GRIK3: variants seen among roughly 807,000 people sequenced by gnomAD.
GRIK3 encodes the protein glutamate receptor ionotropic, kainate 3.
A neutral mutation model predicts 102.5 loss-of-function variants in GRIK3; 29 were observed. That is an observed-to-expected ratio of 0.28 (90% CI 0.21 to 0.39). GRIK3 has a LOEUF of 0.39. Ranked by LOEUF, GRIK3 falls within the 10% of genes least tolerant of loss-of-function variation. GRIK3 has a pLI of 1.00. For missense variants in GRIK3, 908 were observed against 1,252.4 expected (o/e 0.73, Z 4.15); for synonymous variants, 511 against 504.9 (o/e 1.01, Z -0.16).
At chr1:36,974,901 A>G (rs1642179880) in intron 1 of GRIK3, among the ~76,000 whole-genome samples, 1 of 152,192 alleles carries the variant, frequency 6.6e-6, no homozygotes, top group South Asian at 2.1e-4. Flanking sequence ...ACACGAAAAG[A>G]CAAATATTGT....
chr1:36,915,297 C>G (rs770071270), intron 1 of GRIK3, among the ~76,000 whole-genome samples: 25 of 152,344 alleles, frequency 1.6e-4, no homozygotes, highest in Non-Finnish European at 2.8e-4. Flanking sequence ...TCTCCCCACC[C>G]TCAGCACTTA....
intron 1 of GRIK3, among the ~76,000 whole-genome samples, chr1:37,021,127 T>TGTGTGA (rs1553128804): frequency 6.9e-6 from 1 of 145,206 alleles, no homozygotes; most frequent in Non-Finnish European, 1.5e-5. Flanking sequence ...TGTGTGTCTG[T>TGTGTGA]GAGAGAGAGA....
chr1:36,943,329 A>C (rs1289780081), intron 1 of GRIK3, among the ~76,000 whole-genome samples: 1 of 152,220 alleles, frequency 6.6e-6, no homozygotes, highest in African/African-American at 2.4e-5. Flanking sequence ...GGGTCAAGCA[A>C]GGCAGAGAAA....
rs532047028 is a variant in GRIK3 at position 36,965,916 on chromosome 1, C to T, written c.115+68078G>A. Among the ~76,000 whole-genome samples the T allele has an allele frequency of 1.1e-4, 16 of 152,300 alleles. No individual in the cohort carries two copies. In the South Asian group the frequency reaches 1.9e-3, roughly 18 times the overall value. ...ATAAAGTCGGGGGCTCCCATGCTCCCGCCACAATAAATCTGGCCTGGATGG... is the reference window on the plus strand; with the variant it reads ...ATAAAGTCGGGGGCTCCCATGCTCCTGCCACAATAAATCTGGCCTGGATGG... On this transcript the variant is annotated intron_variant, in intron 1 of 15. Coordinates refer to ENST00000373091, the MANE Select transcript of GRIK3 (RefSeq NM_000831.4).
At chr1:36,932,656 A>T (rs566971312) in intron 1 of GRIK3, among the ~76,000 whole-genome samples, 4 of 152,328 alleles carry the variant, frequency 2.6e-5, no homozygotes, top group African/African-American at 9.6e-5. Flanking sequence ...TAAGATTGCT[A>T]TTACTTTCCA....
intron 1 of GRIK3, among the ~76,000 whole-genome samples, chr1:36,896,487 A>G (rs868490497): frequency 6.6e-6 from 1 of 152,158 alleles, no homozygotes; most frequent in African/African-American, 2.4e-5. Flanking sequence ...CTCTAGGGCA[A>G]CTACTAAAAA....
intron 1 of GRIK3, among the ~76,000 whole-genome samples, chr1:36,900,517 A>G (rs1254890020): frequency 6.6e-6 from 1 of 152,250 alleles, no homozygotes; most frequent in East Asian, 1.9e-4. Context: ...AAATGAAAGC[A>G]TAACTTATCA....
rs573272876 is a variant in GRIK3 at position 36,962,124 on chromosome 1, G to A, written c.116-71028C>T. Among the ~76,000 whole-genome samples the A allele has an allele frequency of 4.2e-4, 64 of 152,290 alleles. 1 individual carries two copies. The South Asian group carries it at 0.013, about 31-fold the overall frequency. Reference sequence around the variant, plus strand: ...CAGGCGGGGCAGGAGCACCGGCCCTGCACAGACAATTCCAGACATCACGAG... The same window carrying A: ...CAGGCGGGGCAGGAGCACCGGCCCTACACAGACAATTCCAGACATCACGAG... On this transcript the variant is annotated intron_variant, in intron 1 of 15. Transcript: ENST00000373091.
intron 4 of GRIK3, among the ~76,000 whole-genome samples, chr1:36,871,304 C>A (rs1004521851): frequency 1.3e-5 from 2 of 152,166 alleles, no homozygotes; most frequent in South Asian, 2.1e-4. Flanking sequence ...CTGGCACCCC[C>A]GATGGGGCCC....
chr1:37,033,108 G>C (rs1045200162), intron 1 of GRIK3, among the ~76,000 whole-genome samples: 11 of 152,338 alleles, frequency 7.2e-5, no homozygotes, highest in Admixed American at 5.2e-4. Flanking sequence ...CGTCGGCCCG[G>C]GACATGCGCG....
rs191124355 is a variant in GRIK3 at position 36,869,856 on chromosome 1, C to T, written c.733-55G>A. Reference sequence around the variant, plus strand: ...CAGGGAACCCCTGGGCAGCCCTCCCCACATCCCCACCCAGGGCTGAGAATG... The same window carrying T: ...CAGGGAACCCCTGGGCAGCCCTCCCTACATCCCCACCCAGGGCTGAGAATG... On this transcript the variant is annotated intron_variant, in intron 4 of 15. Transcript: ENST00000373091. 218 of 1,348,448 alleles carry T rather than the reference C, an allele frequency of 1.6e-4. 2 individuals are homozygous for T. The East Asian group carries it at 4.5e-3, about 28-fold the overall frequency. 83.5% of individuals were successfully genotyped at this position (1,348,448 alleles called of 1,614,324 possible).
At chr1:36,957,497 G>GTGCCCTGTGAGTCTA (rs1641931444) in intron 1 of GRIK3, among the ~76,000 whole-genome samples, 1 of 126,314 alleles carries the variant, frequency 7.9e-6, no homozygotes, top group Admixed American at 7.6e-5. Context: ...GTGAGCCTGT[G>GTGCCCTGTGAGTCTA]TGCCCCATGA....
intron 1 of GRIK3, among the ~76,000 whole-genome samples, chr1:36,959,999 GAGTCTGTGTGCCCCATA>G (rs1641985983): frequency 2.7e-5 from 3 of 111,774 alleles, no homozygotes; most frequent in Admixed American, 1.9e-4. Context: ...TGTGCCCCGT[GAGTCTGTGTGCCCCATA>G]AGTCTGTGTG....
intron 1 of GRIK3, among the ~76,000 whole-genome samples, chr1:36,961,114 G>A (rs1053608919): frequency 1.3e-5 from 2 of 152,196 alleles, no homozygotes; most frequent in African/African-American, 4.8e-5. Context: ...GCAGACATCC[G>A]GTGATGCCTC....
chr1:36,859,264 G>T lies in GRIK3; in HGVS notation c.961-13C>A, dbSNP rs376582522. ...AGGCTGCATCAGTCTGCAGGGAAGG[G>T]CCTGCCTGAGAGCGGCTCCCAAGGC... is the stretch of plus-strand genomic sequence containing the variant. On this transcript the variant is annotated splice_polypyrimidine_tract_variant and intron_variant, in intron 6 of 15. Coordinates refer to ENST00000373091, the MANE Select transcript of GRIK3 (RefSeq NM_000831.4). 149 of 1,594,398 alleles carry T rather than the reference G, an allele frequency of 9.3e-5. 1 individual carries two copies. The African/African-American group carries it at 1.8e-3, about 19-fold the overall frequency.
intron 1 of GRIK3, among the ~76,000 whole-genome samples, chr1:36,926,480 T>C (rs1416927062): frequency 6.6e-6 from 1 of 151,456 alleles, no homozygotes; most frequent in Non-Finnish European, 1.5e-5. Flanking sequence ...CACCTCTGCC[T>C]CCCGGGTTCA....
intron 1 of GRIK3, among the ~76,000 whole-genome samples, chr1:36,944,183 G>A (rs1641757604): frequency 6.6e-6 from 1 of 152,182 alleles, no homozygotes; most frequent in Admixed American, 6.5e-5. Flanking sequence ...AAAGGAGGAG[G>A]GGAAATGAAA....
intron 8 of GRIK3, among the ~76,000 whole-genome samples, chr1:36,853,065 C>T (rs1419105202): frequency 4.6e-5 from 7 of 152,156 alleles, no homozygotes; most frequent in South Asian, 4.1e-4. Context: ...AAGCCCAGAG[C>T]GAAGGAGCTC....
intron 1 of GRIK3, among the ~76,000 whole-genome samples, chr1:36,972,057 G>A (rs539139067): frequency 6.6e-6 from 1 of 152,336 alleles, no homozygotes; most frequent in Admixed American, 6.5e-5. Flanking sequence ...CCAGGCAGGA[G>A]GGGGCTTGAG....
Sources: gnomAD v4.1 joint callset for allele counts (sites outside exome capture counted in the v4.1 genomes callset) on GRCh38, gnomAD v4.1.1 for gene constraint, MANE v1.5 for transcripts, NCBI Gene and HGNC (gene_info 2026-07-23, HGNC 2026-07-21) for gene names.